The following LSM3 variants were observed in gnomAD, a reference collection of about 807,000 sequenced individuals.
LSM3 encodes the protein U6 snRNA-associated Sm-like protein LSm3.
LSM3 carries 14 observed loss-of-function variants against 15.4 expected under a neutral mutation model. The observed-to-expected ratio is 0.91, with a 90% CI of 0.60 to 1.42. The LOEUF (loss-of-function observed/expected upper bound fraction) is 1.42, where lower values mean the gene tolerates loss of function less well. Among genes scored for constraint, LSM3 ranks in the 40% most tolerant of loss-of-function variants. LSM3 has a pLI of 0.00. For synonymous variants in LSM3, 46 were observed against 45.1 expected (o/e 1.02, Z -0.08); for missense variants, 88 against 127.9 (o/e 0.69, Z 1.50).
intron 3 of LSM3, among the ~76,000 whole-genome samples, chr3:14,184,730 C>T (rs1476619642): frequency 2.7e-5 from 4 of 147,204 alleles, no homozygotes; most frequent in Non-Finnish European, 6.0e-5. Context: ...GCACTCCAGC[C>T]TGGGCGACAG....
At chr3:14,189,047 G>A (rs1697115911) in intron 3 of LSM3, among the ~76,000 whole-genome samples, 1 of 152,058 alleles carries the variant, frequency 6.6e-6, no homozygotes, top group South Asian at 2.1e-4. Context: ...GTGAGAACAT[G>A]GGGTGTTTGG....
rs762046486 is a variant in LSM3 at position 14,183,926 on chromosome 3, T to G, written c.133-11T>G. The G allele has an allele frequency of 6.3e-6, 10 of 1,591,934 alleles. No individual in the cohort carries two copies. In the East Asian group the frequency reaches 1.8e-4, roughly 29 times the overall value. Reference sequence around the variant, plus strand: ...TATTAAATTTCTTGGTTCTGTACCCTCCCACTTTAGGCTTATGATCAACAT... The same window carrying G: ...TATTAAATTTCTTGGTTCTGTACCCGCCCACTTTAGGCTTATGATCAACAT... On this transcript the variant is annotated splice_polypyrimidine_tract_variant and intron_variant, in intron 2 of 3. Transcript: ENST00000306024.
rs1235725483 is a variant in LSM3 at position 14,198,040 on chromosome 3, C to T, written c.233C>T (p.Thr78Met). The change falls in exon 4 of 4, where the codon ACG (threonine) becomes ATG (methionine). Residue 78 changes from threonine to methionine, a missense_variant. Coordinates refer to ENST00000306024, the MANE Select transcript of LSM3 (RefSeq NM_014463.3). ...CTGTTTTTTTTTCTCTTCTAGTCAACGAAACGGAATATTCCAATGCTCTTT... is the reference window on the plus strand; with the variant it reads ...CTGTTTTTTTTTCTCTTCTAGTCAATGAAACGGAATATTCCAATGCTCTTT... ...EETYEEIYKS[T>M]KRNIPMLFVR... 2.5e-6 allele frequency: 4 copies of T among 1,612,722 alleles called. No individual in the cohort carries two copies. The highest frequency in any genetic ancestry group is 1.7e-5 in the Admixed American group (1 of 59,960).
chr3:14,184,788 G>T (rs1456738308), intron 3 of LSM3, among the ~76,000 whole-genome samples: 1 of 152,010 alleles, frequency 6.6e-6, no homozygotes, highest in Non-Finnish European at 1.5e-5. Context: ...AGGCATGGTG[G>T]CTCACACCTG....
chr3:14,184,617 C>T (rs906006144), intron 3 of LSM3, among the ~76,000 whole-genome samples: 9 of 151,270 alleles, frequency 5.9e-5, no homozygotes, highest in Admixed American at 3.3e-4. Context: ...ATTAGCCGGG[C>T]GTAGTGGCGG....
At chr3:14,185,669 C>A (rs1697082096) in intron 3 of LSM3, among the ~76,000 whole-genome samples, 1 of 152,158 alleles carries the variant, frequency 6.6e-6, no homozygotes, top group Non-Finnish European at 1.5e-5. Context: ...AAGTGGTAGT[C>A]AGTCAAAGAT....
intron 3 of LSM3, among the ~76,000 whole-genome samples, chr3:14,195,393 G>T (rs1371269055): frequency 6.6e-6 from 1 of 151,914 alleles, no homozygotes. Flanking sequence ...TTCTGCCATA[G>T]TCTGCTCCCC....
chr3:14,187,176 A>G (rs186673837), intron 3 of LSM3, among the ~76,000 whole-genome samples: 52 of 152,212 alleles, frequency 3.4e-4, no homozygotes, highest in Admixed American at 9.8e-4. Flanking sequence ...TCCTCCTGAC[A>G]CTGTTTGAAG....
intron 2 of LSM3, among the ~76,000 whole-genome samples, chr3:14,182,298 C>G (rs1305046311): frequency 6.6e-6 from 1 of 151,752 alleles, no homozygotes; most frequent in Non-Finnish European, 1.5e-5. Flanking sequence ...CACCCTACCT[C>G]TACAAAACAT....
At chr3:14,190,461 T>G (rs956332223) in intron 3 of LSM3, among the ~76,000 whole-genome samples, 6 of 152,230 alleles carry the variant, frequency 3.9e-5, no homozygotes, top group African/African-American at 1.4e-4. Context: ...GTGTCCTGTC[T>G]TAGTTCCTTG....
Position 14,188,362 on chromosome 3 carries a change from T to C in LSM3, c.228+4330T>C, listed in dbSNP as rs557386438. On this transcript the variant is annotated intron_variant, in intron 3 of 3. Coordinates refer to ENST00000306024, the MANE Select transcript of LSM3 (RefSeq NM_014463.3). ...AGACCATATGGTCCATATCACCGTATAGTACTTAACACATATTTCTTTTCT... is the reference window on the plus strand; with the variant it reads ...AGACCATATGGTCCATATCACCGTACAGTACTTAACACATATTTCTTTTCT... 1.2e-4 allele frequency among the ~76,000 whole-genome samples: 18 copies of C among 152,382 alleles called. No individual in the cohort carries two copies. The South Asian group carries it at 3.7e-3, about 32-fold the overall frequency.
chr3:14,186,137 C>T (rs1697087477), intron 3 of LSM3, among the ~76,000 whole-genome samples: 1 of 152,332 alleles, frequency 6.6e-6, no homozygotes, highest in East Asian at 1.9e-4. Context: ...TCTCGAACTC[C>T]TGGCCTCCCA....
chr3:14,183,158 A>G (rs975961452), intron 2 of LSM3, among the ~76,000 whole-genome samples: 2 of 152,206 alleles, frequency 1.3e-5, no homozygotes, highest in Admixed American at 1.3e-4. Context: ...TCTCAGCTAT[A>G]CATGTTTGAT....
chr3:14,188,854 C>T (rs762470350), intron 3 of LSM3, among the ~76,000 whole-genome samples: 8 of 151,898 alleles, frequency 5.3e-5, no homozygotes, highest in African/African-American at 1.2e-4. Context: ...ATGTGCATAA[C>T]GTGCAGTTTT....
At chr3:14,195,117 C>G (rs1202839519) in intron 3 of LSM3, among the ~76,000 whole-genome samples, 3 of 152,152 alleles carry the variant, frequency 2.0e-5, no homozygotes, top group Non-Finnish European at 2.9e-5. Context: ...TGCAGTCATT[C>G]AGGAACCCAG....
chr3:14,197,885 AT>A, intron 3 of LSM3, 150 bp from the exon 4 acceptor site: 1 of 626,228 alleles, frequency 1.6e-6, no homozygotes, highest in East Asian at 2.8e-5. Flanking sequence ...CAGTTGATGG[AT>A]TGGTTCTTGG....
chr3:14,187,956 C>T (rs1349809704), intron 3 of LSM3, among the ~76,000 whole-genome samples: 1 of 152,160 alleles, frequency 6.6e-6, no homozygotes, highest in African/African-American at 2.4e-5. Flanking sequence ...CCTTCCTTCA[C>T]CAAACACCTC....
In LSM3 at chr3:14,198,130, T is replaced by A; in HGVS notation, c.*14T>A. On this transcript the variant is annotated 3_prime_UTR_variant, in exon 4 of 4. Coordinates refer to ENST00000306024, the MANE Select transcript of LSM3 (RefSeq NM_014463.3). ...AGAGTTGGCTGAAACAAAGAATTTG[T>A]CCTGTATGGAAAACGGGAGACTTTG... The A allele has an allele frequency of 6.2e-7, 1 of 1,607,080 alleles. No homozygotes were observed. Among genetic ancestry groups the A allele is most frequent in the Non-Finnish European group, 8.5e-7 (1 of 1,174,538 alleles).
chr3:14,198,648 C>T lies in LSM3; in HGVS notation c.*532C>T, dbSNP rs1321208586. ...CCAAGGTGGGTGGATCACCTGAGGT[C>T]AGGCGTTTGAGACCAGCCTGGCCAA... On this transcript the variant is annotated 3_prime_UTR_variant, in exon 4 of 4. Transcript: ENST00000306024. 2 of 153,650 alleles carry T rather than the reference C, an allele frequency of 1.3e-5. No individual in the cohort carries two copies. Among genetic ancestry groups the T allele is most frequent in the East Asian group, 3.8e-4 (2 of 5,224 alleles). The allele number at this position is 153,650 out of a possible 1,614,324, so 9.5% of individuals were successfully genotyped here. A position where few individuals can be genotyped will look rare whatever the true frequency, so the allele number is the denominator to read the frequency against.
Sources: gnomAD v4.1 joint callset for allele counts (sites outside exome capture counted in the v4.1 genomes callset) on GRCh38, gnomAD v4.1.1 for gene constraint, MANE v1.5 for transcripts, NCBI Gene and HGNC (gene_info 2026-07-23, HGNC 2026-07-21) for gene names.